The following ZKSCAN5 variants were observed in gnomAD, a reference collection of about 807,000 sequenced individuals.
ZKSCAN5 encodes the protein zinc finger protein with KRAB and SCAN domains 5.
ZKSCAN5 carries 28 observed loss-of-function variants against 60.0 expected under a neutral mutation model. The observed-to-expected ratio is 0.47, with a 90% CI of 0.35 to 0.64. ZKSCAN5 has a LOEUF of 0.64. ZKSCAN5 is among the 30% of genes least tolerant of loss of function. The probability of loss-of-function intolerance (pLI) is 0.01; values close to 1 mark genes in which losing one functional copy is unlikely to be tolerated. For missense variants in ZKSCAN5, 881 were observed against 1,034.6 expected, an observed-to-expected ratio of 0.85 and a Z score of 2.04; for synonymous variants, 361 against 371.2, an observed-to-expected ratio of 0.97 and a Z score of 0.31.
rs1233962514 is a variant in ZKSCAN5, at chr7:99,506,847, T to A, written c.414+389T>A. Among the ~76,000 whole-genome samples the A allele has an allele frequency of 4.3e-5, 6 of 138,536 alleles. No homozygotes were observed. In the East Asian group the frequency reaches 1.3e-3, roughly 30 times the overall value. 90.9% of individuals were successfully genotyped at this position (138,536 alleles called of 152,430 possible). ...GCAGGCGTCCGCCACCAGGCCCGGC[T>A]AATTTTTTTTTTTTTTTTTTTTGTA... On this transcript the variant is annotated intron_variant, in intron 2 of 6. Coordinates refer to ENST00000326775, the MANE Select transcript of ZKSCAN5 (RefSeq NM_145102.4).
intron 5 of ZKSCAN5, among the ~76,000 whole-genome samples, chr7:99,524,556 C>G (rs551217235): frequency 6.6e-6 from 1 of 152,222 alleles, no homozygotes; most frequent in Admixed American, 6.5e-5. Context: ...TCTCTGCAAA[C>G]CATATTAAAA....
intron 3 of ZKSCAN5, among the ~76,000 whole-genome samples, chr7:99,515,501 G>C (rs1801224415): frequency 6.6e-6 from 1 of 152,196 alleles, no homozygotes; most frequent in African/African-American, 2.4e-5. Context: ...CCTTCCAGTA[G>C]CTCAGTGGAA....
chr7:99,508,722 C>G (rs1800882359), intron 2 of ZKSCAN5, among the ~76,000 whole-genome samples: 1 of 149,544 alleles, frequency 6.7e-6, no homozygotes, highest in Non-Finnish European at 1.5e-5. Context: ...GCACTCCAGC[C>G]TGGGCGATGG....
At position 99,531,202 on chromosome 7, in the gene ZKSCAN5, A is replaced by G. The variant is rs1341367615; in HGVS notation, c.1473A>G (p.Gln491=). 3 of 1,614,062 alleles carry G rather than the reference A, an allele frequency of 1.9e-6. No homozygotes were observed. The highest frequency in any genetic ancestry group is 1.7e-5 in the Admixed American group (1 of 59,994). The change falls in exon 7 of 7, where the codon CAA becomes CAG. Residue 491 remains glutamine (Q), a synonymous_variant. Coordinates refer to ENST00000326775, the MANE Select transcript of ZKSCAN5 (RefSeq NM_145102.4). ...ACATGGAACTATCTGGAAAAACCCA[A>G]AGAAATGTTTCTCAAGTTCAAGATT... The part of the protein sequence containing the change: ...EADMELSGKT[Q]RNVSQVQDFG...
chr7:99,520,533 G>A (rs567101904), intron 5 of ZKSCAN5, among the ~76,000 whole-genome samples: 38 of 151,818 alleles, frequency 2.5e-4, no homozygotes, highest in African/African-American at 8.5e-4. Context: ...GTACTTGGGG[G>A]GACTGTTTTT....
At chr7:99,511,101 G>GA (rs1407019380) in intron 2 of ZKSCAN5, among the ~76,000 whole-genome samples, 1 of 151,502 alleles carries the variant, frequency 6.6e-6, no homozygotes, top group African/African-American at 2.4e-5. Flanking sequence ...AGGAGGATTC[G>GA]AAAAAAAAGT....
chr7:99,505,931 A>G lies in ZKSCAN5; in HGVS notation c.-40-74A>G, dbSNP rs543655733. 1.0e-4 allele frequency: 130 copies of G among 1,269,294 alleles called. 1 individual carries two copies. In the East Asian group the frequency reaches 1.9e-3, roughly 19 times the overall value. 78.6% of individuals were successfully genotyped at this position (1,269,294 alleles called of 1,614,324 possible). On this transcript the variant is annotated intron_variant, in intron 1 of 6. Transcript: ENST00000326775. ...CTGTCTTTGCTAATAATGATGCCCA[A>G]TACATCAGTAGGTTGCATGCTACTG... is the stretch of plus-strand genomic sequence containing the variant.
chr7:99,520,320 T>A lies in ZKSCAN5; in HGVS notation c.772+16T>A. 6.2e-7 allele frequency: 1 copy of A among 1,606,026 alleles called. No homozygotes were observed. The highest frequency in any genetic ancestry group is 8.5e-7 in the Non-Finnish European group (1 of 1,177,426). On this transcript the variant is annotated intron_variant, in intron 5 of 6. Transcript: ENST00000326775. ...ACTTCCATGGGTAAGGATTATTTCA[T>A]CTGCATGGATTAGGACATGTTTATT...
intron 5 of ZKSCAN5, among the ~76,000 whole-genome samples, chr7:99,525,609 CTG>C (rs1431726474): frequency 1.3e-5 from 2 of 152,084 alleles, no homozygotes; most frequent in Non-Finnish European, 2.9e-5. Context: ...TCTCCTTCCT[CTG>C]AACATTTTTT....
In ZKSCAN5 at chr7:99,506,204, A is replaced by G. The variant is rs1414600908; in HGVS notation, c.160A>G (p.Arg54Gly). Residue 54 changes from arginine (R) to glycine (G), a missense_variant, in exon 2 of 7, where the codon AGG becomes GGG. Arg to Gly is a moderately radical substitution (Grantham distance 125). Transcript: ENST00000326775. ...PTFETFYQRF[R>G]HFQYHEASGP... is the part of the protein sequence containing the mutation. ...GTTTGAGACTTTTTACCAGCGCTTC[A>G]GGCACTTCCAGTACCATGAGGCTTC... 6.2e-7 allele frequency: 1 copy of G among 1,614,096 alleles called. No homozygotes were observed. Among genetic ancestry groups the G allele is most frequent in the Non-Finnish European group, 8.5e-7 (1 of 1,180,050 alleles).
intron 6 of ZKSCAN5, among the ~76,000 whole-genome samples, chr7:99,530,643 A>G (rs986241715): frequency 6.6e-6 from 1 of 152,114 alleles, no homozygotes; most frequent in Non-Finnish European, 1.5e-5. Context: ...AAATTCCAAA[A>G]GTTTGTTGTT....
chr7:99,511,950 C>T (rs1018662774), intron 2 of ZKSCAN5, among the ~76,000 whole-genome samples: 65 of 152,230 alleles, frequency 4.3e-4, no homozygotes, highest in Admixed American at 3.5e-3. Context: ...CCACCACACC[C>T]GGCTAATTTT....
At chr7:99,510,698 C>T (rs982178102) in intron 2 of ZKSCAN5, among the ~76,000 whole-genome samples, 7 of 152,058 alleles carry the variant, frequency 4.6e-5, no homozygotes, top group African/African-American at 1.4e-4. Context: ...CCCGCCTCGG[C>T]CCCCCAAAGT....
chr7:99,512,091 C>G (rs916212326), intron 2 of ZKSCAN5, among the ~76,000 whole-genome samples: 4 of 152,188 alleles, frequency 2.6e-5, no homozygotes. Context: ...CCCGTGCGCC[C>G]AGCCCTTCTC....
chr7:99,518,847 T>C (rs937454811), intron 3 of ZKSCAN5, among the ~76,000 whole-genome samples: 1 of 151,484 alleles, frequency 6.6e-6, no homozygotes, highest in African/African-American at 2.4e-5. Flanking sequence ...AGCTAATTTT[T>C]GCATTTTTAG....
intron 5 of ZKSCAN5, among the ~76,000 whole-genome samples, chr7:99,523,021 C>T (rs986145469): frequency 2.0e-5 from 3 of 149,586 alleles, no homozygotes; most frequent in Non-Finnish European, 3.0e-5. Context: ...AAAAATTATC[C>T]GGGCATGGTG....
intron 6 of ZKSCAN5, among the ~76,000 whole-genome samples, chr7:99,527,223 C>T (rs1025561311): frequency 2.0e-5 from 3 of 152,068 alleles, no homozygotes; most frequent in Non-Finnish European, 2.9e-5. Context: ...TGCAGCTCCT[C>T]GGAAGGCTGA....
intron 5 of ZKSCAN5, among the ~76,000 whole-genome samples, chr7:99,522,648 G>A (rs780975641): frequency 2.0e-5 from 3 of 151,396 alleles, no homozygotes; most frequent in East Asian, 2.0e-4. Context: ...CACCACAGCC[G>A]CCTAATTTTT....
At position 99,531,708 on chromosome 7, in the gene ZKSCAN5, C is replaced by G; in HGVS notation, c.1979C>G (p.Ser660Cys). ...GHLRLHSREK[S>C]HQCRECGEIF... Reference sequence around the variant, plus strand: ...CTTCGACTCCACTCCCGAGAGAAATCCCATCAGTGTCGTGAATGTGGGGAA... The same window carrying G: ...CTTCGACTCCACTCCCGAGAGAAATGCCATCAGTGTCGTGAATGTGGGGAA... Residue 660 changes from serine to cysteine, a missense_variant, in exon 7 of 7, where the codon TCC becomes TGC. By Grantham distance (112) the Ser-to-Cys change is moderately radical. This residue lies in a region of ZKSCAN5 where 112 missense variants were observed against 182.4 expected (regional missense o/e 0.61). Transcript: ENST00000326775. 6.2e-7 allele frequency: 1 copy of G among 1,614,186 alleles called. No individual in the cohort carries two copies. The highest frequency in any genetic ancestry group is 8.5e-7 in the Non-Finnish European group (1 of 1,180,048).
Sources: gnomAD v4.1 joint callset for allele counts (sites outside exome capture counted in the v4.1 genomes callset) on GRCh38, gnomAD v4.1.1 for gene constraint, gnomAD v4.1.1 regional missense constraint, MANE v1.5 for transcripts, NCBI Gene and HGNC (gene_info 2026-07-23, HGNC 2026-07-21) for gene names.